HECTD4: variants seen among roughly 807,000 people sequenced by gnomAD.
HECTD4 encodes probable E3 ubiquitin-protein ligase HECTD4.
Under a neutral mutation model 471.5 loss-of-function variants are expected in HECTD4, and 114 were observed. The observed-to-expected ratio is 0.24, with a 90% CI of 0.21 to 0.28. HECTD4 has a LOEUF of 0.28. Among genes scored for constraint, HECTD4 ranks in the 10% least tolerant of loss-of-function variants. The pLI is 1.00. For synonymous variants in HECTD4, 2,012 were observed against 2,256.0 expected (o/e 0.89, Z 3.07); for missense variants, 3,866 against 5,651.5 (o/e 0.68, Z 10.13).
chr12:112,316,826 T>A (rs2035489464), intron 2 of HECTD4, among the ~76,000 whole-genome samples: 1 of 151,292 alleles, frequency 6.6e-6, no homozygotes, highest in Non-Finnish European at 1.5e-5. Context: ...CAGAACATGA[T>A]ATTGGCAATA....
At chr12:112,291,443 T>C (rs1011896402) in intron 7 of HECTD4, among the ~76,000 whole-genome samples, 1 of 152,168 alleles carries the variant, frequency 6.6e-6, no homozygotes, top group African/African-American at 2.4e-5. Flanking sequence ...TTCTCAAAAA[T>C]ACTTTTTACA....
At position 112,185,100 on chromosome 12, in the gene HECTD4, C is replaced by T. The variant is rs1242676253; in HGVS notation, c.9866G>A (p.Ser3289Asn). 3 of 1,570,686 alleles carry T rather than the reference C, an allele frequency of 1.9e-6. No individual in the cohort carries two copies. Among genetic ancestry groups the T allele is most frequent in the African/African-American group, 2.7e-5 (2 of 74,088 alleles). The change falls in exon 61 of 76, where the codon AGT (serine) becomes AAT (asparagine). Residue 3289 changes from serine (S) to asparagine (N), a missense_variant. By Grantham distance (46) the Ser-to-Asn change is conservative. Transcript: ENST00000682272. ...GGACGAGGAGGAGGAGGACGAGTCACTGAGATTTGGGGCGGTCGCTGAGGT... is the reference window on the plus strand; with the variant it reads ...GGACGAGGAGGAGGAGGACGAGTCATTGAGATTTGGGGCGGTCGCTGAGGT... ...GVTSATAPNL[S>N]DSSSSSSSSP...
chr12:112,334,290 G>T (rs2035898159), intron 1 of HECTD4, among the ~76,000 whole-genome samples: 1 of 150,022 alleles, frequency 6.7e-6, no homozygotes, highest in Non-Finnish European at 1.5e-5. Context: ...TCTGACAAAG[G>T]ACTAATATCC....
intron 37 of HECTD4, 75 bp from the exon 38 acceptor site, chr12:112,233,160 C>T: frequency 8.6e-7 from 1 of 1,161,458 alleles, no homozygotes; most frequent in Non-Finnish European, 1.3e-6. Flanking sequence ...CATGGGGTCA[C>T]CCAGTCATGG....
chr12:112,356,303 A>C (rs1371679187), intron 1 of HECTD4, among the ~76,000 whole-genome samples: 1 of 152,252 alleles, frequency 6.6e-6, no homozygotes, highest in African/African-American at 2.4e-5. Flanking sequence ...CAAAATGGGA[A>C]TGAACACTAA....
In HECTD4 at chr12:112,283,256, A is replaced by G. The variant is rs2034679801; in HGVS notation, c.1382T>C (p.Ile461Thr). The change falls in exon 8 of 76, where the codon ATT becomes ACT. Residue 461 changes from isoleucine (I) to threonine (T), a missense_variant. Coordinates refer to ENST00000682272, the MANE Select transcript of HECTD4 (RefSeq NM_001388303.1). ...FVANPLQERT[I>T]LMRKEGESAK... ...AGATTCGCCCTCTTTTCTCATTAGA[A>G]TTGTACGTTCCTGAAGTGGGTTGGC... is the stretch of plus-strand genomic sequence containing the variant. 6.2e-7 allele frequency: 1 copy of G among 1,613,792 alleles called. No individual in the cohort carries two copies. The highest frequency in any genetic ancestry group is 8.5e-7 in the Non-Finnish European group (1 of 1,179,792).
At chr12:112,216,707 A>T in intron 47 of HECTD4, 66 bp downstream of exon 47, 1 of 1,536,882 alleles carries the variant, frequency 6.5e-7, no homozygotes, top group Non-Finnish European at 8.8e-7. Context: ...TGACTTCCTG[A>T]ACACCTATAC....
intron 24 of HECTD4, among the ~76,000 whole-genome samples, 175 bp from the exon 25 acceptor site, chr12:112,250,552 T>C (rs1211320685): frequency 6.6e-6 from 1 of 152,246 alleles, no homozygotes; most frequent in Non-Finnish European, 1.5e-5. Context: ...AAGCCCATCT[T>C]TGGGGATCTA....
intron 18 of HECTD4, among the ~76,000 whole-genome samples, chr12:112,261,067 GGCTGTGC>G (rs2135600324): frequency 6.6e-6 from 1 of 152,234 alleles, no homozygotes; most frequent in East Asian, 1.9e-4. Flanking sequence ...GCAGAGATTA[GGCTGTGC>G]CCTCCACAAC....
Position 112,210,185 on chromosome 12 carries a change from T to C in HECTD4, c.7697A>G (p.Asn2566Ser), listed in dbSNP as rs773996145. 2.7e-5 allele frequency: 43 copies of C among 1,613,922 alleles called. No homozygotes were observed. The highest frequency in any genetic ancestry group is 2.3e-4 in the Admixed American group (14 of 60,006). Residue 2566 changes from asparagine (N) to serine (S), a missense_variant, in exon 50 of 76, where the codon AAT becomes AGT. This residue lies in a region of HECTD4 where 617 missense variants were observed against 915.1 expected (regional missense o/e 0.67). Transcript: ENST00000682272. ...FAYAEGQAHRNAADLCTDLAE... is the reference protein window; with the variant it reads ...FAYAEGQAHRSAADLCTDLAE... ...TAGGTCAGTGCACAGGTCAGCAGCA[T>C]TGCGGTGGGCCTGCCCTTCCGCGTA... is the stretch of plus-strand genomic sequence containing the variant.
At chr12:112,277,395 A>T (rs2034547724) in intron 9 of HECTD4, among the ~76,000 whole-genome samples, 1 of 152,192 alleles carries the variant, frequency 6.6e-6, no homozygotes, top group African/African-American at 2.4e-5. Context: ...CCATGATTGT[A>T]AGTTTCCTAA....
chr12:112,227,887 G>A (rs953188428), intron 43 of HECTD4, among the ~76,000 whole-genome samples: 1 of 151,922 alleles, frequency 6.6e-6, no homozygotes, highest in Non-Finnish European at 1.5e-5. Flanking sequence ...TAGACATTGG[G>A]GAACGCAACA....
At chr12:112,241,947 T>C (rs1188050216) in intron 32 of HECTD4, among the ~76,000 whole-genome samples, 1 of 152,204 alleles carries the variant, frequency 6.6e-6, no homozygotes, top group African/African-American at 2.4e-5. Context: ...TTGGCCAGAA[T>C]TCCTCAAAGA....
Position 112,162,131 on chromosome 12 carries a change from GAC to G in HECTD4, c.*254_*255del, listed in dbSNP as rs3830633. 0.086 allele frequency: 38,058 copies of G among 443,966 alleles called. 1,947 individuals carry two copies. The highest frequency in any genetic ancestry group is 0.18 in the East Asian group (4,730 of 25,680). The allele number at this position is 443,966 out of a possible 1,614,324, so 27.5% of individuals were successfully genotyped here. ...GACAATGTCCAAGAAGATCAAATTA[GAC>G]ACAAACTGTCTGGGAACTAAACTAT... is the stretch of plus-strand genomic sequence containing the variant. On this transcript the variant is annotated 3_prime_UTR_variant, in exon 76 of 76. Coordinates refer to ENST00000682272, the MANE Select transcript of HECTD4 (RefSeq NM_001388303.1). This position sits in a 1 kb window ranked among gnomAD's most constrained non-coding sequence, Gnocchi z 5.2.
chr12:112,260,125 C>T (rs989679585), intron 18 of HECTD4, among the ~76,000 whole-genome samples: 1 of 152,076 alleles, frequency 6.6e-6, no homozygotes, highest in African/African-American at 2.4e-5. Context: ...TCCTCATTTT[C>T]CCCTTGCCCC....
chr12:112,251,469 T>G (rs1401290648), intron 23 of HECTD4, among the ~76,000 whole-genome samples: 1 of 152,224 alleles, frequency 6.6e-6, no homozygotes, highest in Non-Finnish European at 1.5e-5. Flanking sequence ...AAATCACTAT[T>G]TTGTTTTTTC....
At chr12:112,324,016 TCC>T (rs2135706491) in intron 1 of HECTD4, among the ~76,000 whole-genome samples, 2 of 50,026 alleles carry the variant, frequency 4.0e-5, no homozygotes, top group Admixed American at 2.5e-4. Context: ...CTTCCTTCCT[TCC>T]TTCCTTCCTT....
At chr12:112,297,683 G>C (rs1205570495) in intron 7 of HECTD4, among the ~76,000 whole-genome samples, 1 of 151,996 alleles carries the variant, frequency 6.6e-6, no homozygotes, top group Non-Finnish European at 1.5e-5. Flanking sequence ...AGTTTAGCTG[G>C]GGGCATATTT....
At chr12:112,191,109 T>C in intron 59 of HECTD4, 144 bp from the exon 60 acceptor site, 1 of 646,716 alleles carries the variant, frequency 1.5e-6, no homozygotes, top group South Asian at 2.0e-5. Flanking sequence ...GACACATAAC[T>C]CCTGACACTC....
Sources: allele counts gnomAD v4.1 joint callset (sites outside exome capture counted in the v4.1 genomes callset), GRCh38; gene constraint gnomAD v4.1.1; regional missense constraint gnomAD v4.1.1; non-coding constraint Gnocchi (gnomAD v3.1); transcripts MANE v1.5; gene names NCBI Gene and HGNC (gene_info 2026-07-23, HGNC 2026-07-21).